Variants in PCDH15 observed in about 807,000 individuals in gnomAD.
PCDH15 encodes the protein protocadherin-15.
Under a neutral mutation model 178.5 loss-of-function variants are expected in PCDH15, and 129 were observed. That is an observed-to-expected ratio of 0.72 (90% CI 0.63 to 0.84). PCDH15 has a LOEUF of 0.84. PCDH15 is among the 40% of genes least tolerant of loss of function. The probability of loss-of-function intolerance (pLI) is 0.00; values close to 1 mark genes in which losing one functional copy is unlikely to be tolerated. For synonymous variants in PCDH15, 800 were observed against 732.0 expected (o/e 1.09, Z -1.50); for missense variants, 2,230 against 2,099.9 (o/e 1.06, Z -1.21).
intron 2 of PCDH15, among the ~76,000 whole-genome samples, chr10:55,357,285 A>G (rs1318441995): frequency 6.6e-6 from 1 of 151,908 alleles, no homozygotes; most frequent in Non-Finnish European, 1.5e-5. Flanking sequence ...TTTTTAAACC[A>G]CTGCATTAAA....
chr10:53,845,826 T>G (rs947430927), intron 28 of PCDH15, among the ~76,000 whole-genome samples: 3 of 151,668 alleles, frequency 2.0e-5, no homozygotes, highest in African/African-American at 7.3e-5. Context: ...GAATTTATAG[T>G]TAAAAATAAT....
chr10:53,820,706 T>A (rs2076228852), intron 32 of PCDH15, among the ~76,000 whole-genome samples: 1 of 151,976 alleles, frequency 6.6e-6, no homozygotes, highest in Non-Finnish European at 1.5e-5. Context: ...ATACATTATA[T>A]ACTAATATTG....
At chr10:54,796,784 C>G (rs995518945) in intron 1 of PCDH15, among the ~76,000 whole-genome samples, 4 of 151,930 alleles carry the variant, frequency 2.6e-5, no homozygotes, top group African/African-American at 9.7e-5. Flanking sequence ...CTGTGTCTGT[C>G]TCTGTCTCTC....
chr10:54,801,805 G>T (rs2133712367), upstream of PCDH15, among the ~76,000 whole-genome samples: 1 of 152,158 alleles, frequency 6.6e-6, no homozygotes, highest in Middle Eastern at 3.4e-3. Flanking sequence ...AGTATATAAG[G>T]TTATCACGAA....
chr10:54,273,465 C>T (rs7082019), intron 8 of PCDH15, among the ~76,000 whole-genome samples: 100,574 of 151,432 alleles, frequency 0.66, 34,386 homozygotes, highest in Middle Eastern at 0.8. Flanking sequence ...AGGAAGGAGA[C>T]AGATCAAAAG....
chr10:53,959,350 A>G (rs1426330750), intron 23 of PCDH15, among the ~76,000 whole-genome samples: 1 of 151,706 alleles, frequency 6.6e-6, no homozygotes, highest in Non-Finnish European at 1.5e-5. Context: ...TAGATGGAAA[A>G]TATGATTGCA....
intron 2 of PCDH15, among the ~76,000 whole-genome samples, chr10:54,983,791 T>C (rs2131907711): frequency 6.6e-6 from 1 of 152,138 alleles, no homozygotes; most frequent in East Asian, 1.9e-4. Context: ...TCCTTGGGGC[T>C]CTGTTTGGCT....
chr10:54,297,504 C>T (rs1039630865), intron 8 of PCDH15, among the ~76,000 whole-genome samples: 1 of 152,168 alleles, frequency 6.6e-6, no homozygotes, highest in African/African-American at 2.4e-5. Context: ...GCAAAGCTTG[C>T]AATTTACATC....
chr10:55,615,044 A>T (rs1485602157), intron 2 of PCDH15, among the ~76,000 whole-genome samples: 1 of 152,180 alleles, frequency 6.6e-6, no homozygotes, highest in African/African-American at 2.4e-5. Context: ...ATATTGGGTT[A>T]TTTGGAAAAT....
chr10:55,521,684 T>C (rs936969522), intron 2 of PCDH15, among the ~76,000 whole-genome samples: 6 of 151,968 alleles, frequency 3.9e-5, no homozygotes, highest in Non-Finnish European at 7.4e-5. Flanking sequence ...CTTGTAGAGA[T>C]GCAGATTTTA....
chr10:54,944,646 A>C (rs535989254), intron 2 of PCDH15, among the ~76,000 whole-genome samples: 3 of 152,054 alleles, frequency 2.0e-5, no homozygotes, highest in Admixed American at 2.0e-4. Flanking sequence ...AAGACAGAAG[A>C]AGCATTTAAA....
chr10:55,118,512 CCCAGTG>C (rs1390352430), intron 2 of PCDH15, among the ~76,000 whole-genome samples: 1 of 152,114 alleles, frequency 6.6e-6, no homozygotes, highest in Non-Finnish European at 1.5e-5. Flanking sequence ...TTGAAAAAAT[CCCAGTG>C]CCCAAACTGT....
At chr10:55,370,947 T>C (rs958888825) in intron 2 of PCDH15, among the ~76,000 whole-genome samples, 1 of 152,128 alleles carries the variant, frequency 6.6e-6, no homozygotes, top group Non-Finnish European at 1.5e-5. Flanking sequence ...ACTTTGAGGT[T>C]GCATCTGAAT....
rs143454225 is a variant in PCDH15, at chr10:55,113,021, G to C, written c.-80+53555C>G. On this transcript the variant is annotated intron_variant, in intron 2 of 5. Transcript: ENST00000458638. ...GTGTCTCATCCATTTCTTTGTTCGT[G>C]ACACCAAGAACTTGGAACTGCATGG... 3.9e-3 allele frequency among the ~76,000 whole-genome samples: 586 copies of C among 152,100 alleles called. 4 individuals carry two copies. The highest frequency in any genetic ancestry group is 0.013 in the African/African-American group (536 of 41,478).
At chr10:54,932,464 A>G (rs1277410204) in intron 2 of PCDH15, among the ~76,000 whole-genome samples, 2 of 152,222 alleles carry the variant, frequency 1.3e-5, no homozygotes, top group Non-Finnish European at 2.9e-5. Flanking sequence ...AAAATTTAAA[A>G]GTTTATAAAG....
At chr10:54,506,683 C>G (rs1403609306) in intron 3 of PCDH15, among the ~76,000 whole-genome samples, 2 of 151,852 alleles carry the variant, frequency 1.3e-5, no homozygotes, top group African/African-American at 4.8e-5. Flanking sequence ...GAATTGCCTA[C>G]AAAAACTGGA....
At chr10:54,505,068 T>A (rs2081052739) in intron 3 of PCDH15, among the ~76,000 whole-genome samples, 2 of 152,128 alleles carry the variant, frequency 1.3e-5, no homozygotes, top group Non-Finnish European at 2.9e-5. Flanking sequence ...GTTTTTTTGT[T>A]TTTTTCCTAA....
Position 54,831,654 on chromosome 10 carries a change from A to G in PCDH15, c.-29+65796T>C, listed in dbSNP as rs80118376. ...ACCATAACCAAAAGCTAAATCACACAAGAGGAAAATTATCTTGAATTCCAC... is the reference window on the plus strand; with the variant it reads ...ACCATAACCAAAAGCTAAATCACACGAGAGGAAAATTATCTTGAATTCCAC... On this transcript the variant is annotated intron_variant, in intron 3 of 5. Transcript: ENST00000458638. 3.7e-3 allele frequency among the ~76,000 whole-genome samples: 560 copies of G among 152,264 alleles called. 1 individual carries two copies. The highest frequency in any genetic ancestry group is 0.013 in the African/African-American group (538 of 41,574).
At chr10:54,625,474 A>G (rs1196156620) in intron 2 of PCDH15, among the ~76,000 whole-genome samples, 1 of 152,098 alleles carries the variant, frequency 6.6e-6, no homozygotes, top group East Asian at 1.9e-4. Flanking sequence ...TGACTGAGTT[A>G]TGAGGGGGAG....
Sources: allele counts gnomAD v4.1 joint callset (sites outside exome capture counted in the v4.1 genomes callset), GRCh38; gene constraint gnomAD v4.1.1; transcripts MANE v1.5; gene names NCBI Gene and HGNC (gene_info 2026-07-23, HGNC 2026-07-21).